Variants in DENND11 observed in about 807,000 individuals in gnomAD.
DENND11 encodes the protein DENN domain-containing protein 11.
Under a neutral mutation model 49.2 loss-of-function variants are expected in DENND11, and 34 were observed. The observed-to-expected ratio is 0.69, with a 90% CI of 0.53 to 0.92. DENND11 has a LOEUF of 0.92. DENND11 is among the 40% of genes least tolerant of loss of function. DENND11 has a pLI of 0.00. For synonymous variants in DENND11, 238 were observed against 230.3 expected, an observed-to-expected ratio of 1.03 and a Z score of -0.30; for missense variants, 475 against 581.6, an observed-to-expected ratio of 0.82 and a Z score of 1.88.
chr7:141,675,357 G>C (rs1370881100), intron 3 of DENND11, among the ~76,000 whole-genome samples: 1 of 152,172 alleles, frequency 6.6e-6, no homozygotes, highest in African/African-American at 2.4e-5. Flanking sequence ...AGAACAGTGA[G>C]ACAGTATGTT....
chr7:141,673,275 AT>A (rs1798011254), intron 4 of DENND11, among the ~76,000 whole-genome samples: 1 of 152,140 alleles, frequency 6.6e-6, no homozygotes, highest in African/African-American at 2.4e-5. Flanking sequence ...ATTTACTTTT[AT>A]TTTAGAGAAT....
At chr7:141,667,207 C>G (rs1797909490) in intron 4 of DENND11, among the ~76,000 whole-genome samples, 1 of 152,192 alleles carries the variant, frequency 6.6e-6, no homozygotes, top group African/African-American at 2.4e-5. Context: ...AGGCGTGAGC[C>G]ACCACGACTG....
intron 1 of DENND11, among the ~76,000 whole-genome samples, chr7:141,695,766 T>C (rs1056610099): frequency 2.6e-5 from 4 of 152,206 alleles, no homozygotes; most frequent in Admixed American, 6.5e-5. Flanking sequence ...TTTTCTCCCC[T>C]AACTTGCTCT....
At chr7:141,689,322 A>G (rs941369942) in intron 1 of DENND11, among the ~76,000 whole-genome samples, 7 of 152,208 alleles carry the variant, frequency 4.6e-5, no homozygotes, top group African/African-American at 1.7e-4. Context: ...TGGAGCTGGA[A>G]GCCATTATCC....
At chr7:141,679,970 A>C (rs1217088050) in intron 3 of DENND11, among the ~76,000 whole-genome samples, 1 of 152,236 alleles carries the variant, frequency 6.6e-6, no homozygotes, top group East Asian at 1.9e-4. Flanking sequence ...ACTACTGGGC[A>C]TGCAAATGGC....
chr7:141,679,971 T>C (rs935381472), intron 3 of DENND11, among the ~76,000 whole-genome samples: 2 of 152,250 alleles, frequency 1.3e-5, no homozygotes, highest in African/African-American at 2.4e-5. Flanking sequence ...CTACTGGGCA[T>C]GCAAATGGCA....
In DENND11 at chr7:141,702,106, G is replaced by A. The variant is rs1431930816; in HGVS notation, c.48C>T (p.Gly16=). 4.1e-6 allele frequency: 4 copies of A among 984,190 alleles called. No individual in the cohort carries two copies. The East Asian group carries it at 3.4e-4, about 84-fold the overall frequency. 61.0% of individuals were successfully genotyped at this position (984,190 alleles called of 1,614,324 possible). A position where few individuals can be genotyped will look rare whatever the true frequency, so the allele number is the denominator to read the frequency against. Residue 16 remains glycine (G), a synonymous_variant, in exon 1 of 9, where the codon GGC becomes GGT. Coordinates refer to ENST00000536163, the MANE Select transcript of DENND11 (RefSeq NM_001080392.2). ...GGGCCTGCGGCAGGGAGACGGCGGGGCCCTCGGCCCAGCGCAGCAGCGGCG... is the reference window on the plus strand; with the variant it reads ...GGGCCTGCGGCAGGGAGACGGCGGGACCCTCGGCCCAGCGCAGCAGCGGCG... ...DAAPLLRWAE[G]PAVSLPQAPQ...
At chr7:141,680,976 A>G (rs1330290130) in intron 3 of DENND11, among the ~76,000 whole-genome samples, 2 of 152,124 alleles carry the variant, frequency 1.3e-5, no homozygotes, top group Non-Finnish European at 2.9e-5. Context: ...GCCAAAAACG[A>G]TACCTGGAAA....
intron 1 of DENND11, among the ~76,000 whole-genome samples, chr7:141,688,326 A>G (rs936860320): frequency 2.6e-5 from 4 of 152,244 alleles, no homozygotes; most frequent in African/African-American, 9.6e-5. Flanking sequence ...GATCCCAGCC[A>G]AACAACGCTT....
chr7:141,668,003 T>C (rs900686797), intron 4 of DENND11, among the ~76,000 whole-genome samples: 39 of 152,322 alleles, frequency 2.6e-4, no homozygotes, highest in African/African-American at 8.4e-4. Context: ...CTTCAAAGTC[T>C]AACAGCAACC....
At chr7:141,686,858 A>G (rs181976194) in intron 1 of DENND11, among the ~76,000 whole-genome samples, 200 bp from the exon 2 acceptor site, 122 of 151,994 alleles carry the variant, frequency 8.0e-4, no homozygotes, top group African/African-American at 2.9e-3. Context: ...CACTAAAAGA[A>G]CCTCCCATTT....
chr7:141,666,989 A>T (rs1797906078), intron 4 of DENND11, among the ~76,000 whole-genome samples: 1 of 152,016 alleles, frequency 6.6e-6, no homozygotes, highest in South Asian at 2.1e-4. Flanking sequence ...CTGTGGCGTG[A>T]TCTTGGCTCA....
Position 141,683,324 on chromosome 7 carries a change from T to C in DENND11, c.527+2154A>G, listed in dbSNP as rs1337582137. ...AAAGGGGACAAACTATCCCAGAACA[T>C]ACTGATATGAACTAATAAATATTTG... On this transcript the variant is annotated intron_variant, in intron 3 of 8. Coordinates refer to ENST00000536163, the MANE Select transcript of DENND11 (RefSeq NM_001080392.2). Among the ~76,000 whole-genome samples the C allele has an allele frequency of 4.9e-4, 75 of 152,260 alleles. 1 individual carries two copies. Among genetic ancestry groups the C allele is most frequent in the East Asian group, 1.9e-4 (1 of 5,180 alleles).
intron 1 of DENND11, among the ~76,000 whole-genome samples, chr7:141,690,205 G>A (rs1414757813): frequency 6.6e-6 from 1 of 152,200 alleles, no homozygotes; most frequent in African/African-American, 2.4e-5. Flanking sequence ...CCCTGATGAT[G>A]CTGCAGCCAC....
chr7:141,678,222 C>A (rs1231795214), intron 3 of DENND11, among the ~76,000 whole-genome samples: 1 of 152,114 alleles, frequency 6.6e-6, no homozygotes, highest in Non-Finnish European at 1.5e-5. Context: ...CTCGGCCTCC[C>A]AAAGTGCTAG....
chr7:141,668,680 G>A (rs1026835811), intron 4 of DENND11, among the ~76,000 whole-genome samples: 2 of 152,236 alleles, frequency 1.3e-5, no homozygotes, highest in African/African-American at 2.4e-5. Context: ...GGCCCTTCTT[G>A]GGACCTGCAA....
At chr7:141,700,091 T>C (rs1427567516) in intron 1 of DENND11, among the ~76,000 whole-genome samples, 1 of 152,206 alleles carries the variant, frequency 6.6e-6, no homozygotes, top group Non-Finnish European at 1.5e-5. Context: ...TTATCCACCC[T>C]ATCTGTCTGT....
intron 1 of DENND11, among the ~76,000 whole-genome samples, chr7:141,693,177 C>A (rs984445887): frequency 1.3e-5 from 2 of 152,268 alleles, no homozygotes; most frequent in African/African-American, 4.8e-5. Flanking sequence ...AGAAAACAAT[C>A]CAACTTTTTA....
rs191428788 is a variant in DENND11 at position 141,699,394 on chromosome 7, A to G, written c.268+2492T>C. On this transcript the variant is annotated intron_variant, in intron 1 of 8. Coordinates refer to ENST00000536163, the MANE Select transcript of DENND11 (RefSeq NM_001080392.2). ...AAGCTCAGTAGCATTCATTCACTAC[A>G]TCTCCTACTTTTAAGATATATATAA... Among the ~76,000 whole-genome samples the G allele has an allele frequency of 3.3e-3, 505 of 152,278 alleles. 2 individuals are homozygous for G. Among genetic ancestry groups the G allele is most frequent in the African/African-American group, 0.012 (478 of 41,558 alleles).
Sources: allele counts gnomAD v4.1 joint callset (sites outside exome capture counted in the v4.1 genomes callset), GRCh38; gene constraint gnomAD v4.1.1; transcripts MANE v1.5; gene names NCBI Gene and HGNC (gene_info 2026-07-23, HGNC 2026-07-21).